SRPK2: variants seen among roughly 807,000 people sequenced by gnomAD.
SRPK2 encodes the protein SRSF protein kinase 2, also known as SFRS protein kinase 2.
Under a neutral mutation model 90.8 loss-of-function variants are expected in SRPK2, and 21 were observed. The observed-to-expected ratio is 0.23, with a 90% CI of 0.16 to 0.33. The LOEUF (loss-of-function observed/expected upper bound fraction) is 0.33, where lower values mean the gene tolerates loss of function less well. SRPK2 is among the 10% of genes least tolerant of loss of function. The pLI, the probability that SRPK2 is intolerant of heterozygous loss-of-function variation, is 1.00. For synonymous variants in SRPK2, 288 were observed against 311.1 expected (o/e 0.93, Z 0.78); for missense variants, 620 against 869.0 (o/e 0.71, Z 3.60).
At chr7:105,147,955 A>G (rs1804907093) in intron 7 of SRPK2, among the ~76,000 whole-genome samples, 1 of 152,198 alleles carries the variant, frequency 6.6e-6, no homozygotes, top group Non-Finnish European at 1.5e-5. Flanking sequence ...TAAAAATAAT[A>G]CTGCTATTCA....
intron 2 of SRPK2, among the ~76,000 whole-genome samples, chr7:105,231,638 G>A (rs1799435801): frequency 6.6e-6 from 1 of 152,048 alleles, no homozygotes; most frequent in Non-Finnish European, 1.5e-5. Context: ...CTTCACTGTG[G>A]TTTTGATTTA....
chr7:105,131,084 T>C (rs537109678), intron 13 of SRPK2, among the ~76,000 whole-genome samples: 77 of 152,356 alleles, frequency 5.1e-4, no homozygotes, highest in Middle Eastern at 6.8e-3. Flanking sequence ...GAAAGCTCCA[T>C]TAACCCACTA....
rs796799061 is a variant in SRPK2, at chr7:105,323,967, T to G, written c.71+64681A>C. Reference sequence around the variant, plus strand: ...AAAAAGACTTTGGTCAGACTATTCTTTGTGTGTGTGTGTGTGTGTGTGTGT... The same window carrying G: ...AAAAAGACTTTGGTCAGACTATTCTGTGTGTGTGTGTGTGTGTGTGTGTGT... On this transcript the variant is annotated intron_variant, in intron 2 of 15. Coordinates refer to ENST00000393651, the MANE Select transcript of SRPK2 (RefSeq NM_182692.3). 3.8e-3 allele frequency among the ~76,000 whole-genome samples: 510 copies of G among 133,906 alleles called. 2 individuals carry two copies. Among genetic ancestry groups the G allele is most frequent in the African/African-American group, 0.013 (488 of 36,674 alleles). The allele number at this position is 133,906 out of a possible 152,430, so 87.8% of individuals were successfully genotyped here. A position where few individuals can be genotyped will look rare whatever the true frequency, so the allele number is the denominator to read the frequency against.
In SRPK2 at chr7:105,226,352, C is replaced by A. The variant is rs560642441; in HGVS notation, c.72-22567G>T. ...TCACCTAGGTTGGAGTGCAGTGGCA[C>A]AAATTCAGCTCACCAAAACCTCCAC... On this transcript the variant is annotated intron_variant, in intron 2 of 15. Coordinates refer to ENST00000393651, the MANE Select transcript of SRPK2 (RefSeq NM_182692.3). Among the ~76,000 whole-genome samples the A allele has an allele frequency of 2.6e-5, 4 of 152,016 alleles. No individual in the cohort carries two copies. In the South Asian group the frequency reaches 8.3e-4, roughly 32 times the overall value.
chr7:105,306,669 C>T (rs551033689), intron 2 of SRPK2: 132 of 348,774 alleles, frequency 3.8e-4, no homozygotes, highest in Non-Finnish European at 6.5e-4. Context: ...AGCATTTAAC[C>T]GAAACACTCA....
chr7:105,322,301 T>C (rs1265008141), intron 2 of SRPK2, among the ~76,000 whole-genome samples: 1 of 152,042 alleles, frequency 6.6e-6, no homozygotes, highest in Non-Finnish European at 1.5e-5. Flanking sequence ...CCTGGGGTCC[T>C]AGTGACTCAG....
At chr7:105,301,200 T>G (rs1585614521) in intron 2 of SRPK2, among the ~76,000 whole-genome samples, 1 of 151,726 alleles carries the variant, frequency 6.6e-6, no homozygotes, top group African/African-American at 2.4e-5. Context: ...TCCCAGCACT[T>G]TGGGAGGCCG....
intron 11 of SRPK2, among the ~76,000 whole-genome samples, chr7:105,141,777 A>C (rs1803815115): frequency 6.6e-6 from 1 of 152,252 alleles, no homozygotes; most frequent in Non-Finnish European, 1.5e-5. Context: ...AATATATTAA[A>C]AATGAAAACT....
intron 2 of SRPK2, among the ~76,000 whole-genome samples, chr7:105,304,829 A>G (rs188351107): frequency 2.0e-3 from 303 of 152,292 alleles, no homozygotes; most frequent in Middle Eastern, 6.8e-3. Flanking sequence ...CCGGGCTACA[A>G]TCACTGATTG....
chr7:105,366,248 A>T (rs1025414229), intron 2 of SRPK2, among the ~76,000 whole-genome samples: 3 of 152,068 alleles, frequency 2.0e-5, no homozygotes, highest in Non-Finnish European at 4.4e-5. Flanking sequence ...CTCTAAAATT[A>T]TCAAACCATC....
intron 2 of SRPK2, among the ~76,000 whole-genome samples, chr7:105,337,246 C>G (rs1321461324): frequency 6.6e-6 from 1 of 151,952 alleles, no homozygotes; most frequent in African/African-American, 2.4e-5. Flanking sequence ...AGTGTGATAT[C>G]TGAAGGTGGG....
intron 2 of SRPK2, among the ~76,000 whole-genome samples, chr7:105,249,864 A>G (rs1802241414): frequency 6.6e-6 from 1 of 152,248 alleles, no homozygotes; most frequent in Non-Finnish European, 1.5e-5. Flanking sequence ...TAAAAAAAAT[A>G]GTAATTCTCA....
intron 11 of SRPK2, among the ~76,000 whole-genome samples, chr7:105,136,794 T>C (rs994792556): frequency 6.6e-6 from 1 of 152,106 alleles, no homozygotes; most frequent in Admixed American, 6.5e-5. Context: ...AAGGAAGTAG[T>C]GGAACTAAGA....
At chr7:105,156,644 G>A (rs1806536076) in intron 7 of SRPK2, among the ~76,000 whole-genome samples, 2 of 152,068 alleles carry the variant, frequency 1.3e-5, no homozygotes, top group South Asian at 4.1e-4. Context: ...GGGACCACAG[G>A]TGCATGCCAT....
intron 2 of SRPK2, among the ~76,000 whole-genome samples, chr7:105,299,347 A>G (rs1810245226): frequency 6.6e-6 from 1 of 152,220 alleles, no homozygotes; most frequent in African/African-American, 2.4e-5. Context: ...ACTTCCAAGT[A>G]AAGGATCTAC....
intron 3 of SRPK2, 108 bp downstream of exon 3, chr7:105,203,520 A>C (rs912527466): frequency 5.5e-6 from 7 of 1,265,554 alleles, no homozygotes; most frequent in Non-Finnish European, 6.3e-6. Context: ...TTTAATGAAG[A>C]CCAAGCAATT....
intron 2 of SRPK2, among the ~76,000 whole-genome samples, chr7:105,336,942 C>T (rs1370822405): frequency 6.6e-6 from 1 of 152,048 alleles, no homozygotes; most frequent in Non-Finnish European, 1.5e-5. Context: ...GCTGGGATTA[C>T]AGGCACCCGC....
intron 2 of SRPK2, among the ~76,000 whole-genome samples, chr7:105,291,612 C>T (rs895213014): frequency 1.3e-5 from 2 of 152,296 alleles, no homozygotes; most frequent in South Asian, 4.1e-4. Flanking sequence ...CGCCTATAGT[C>T]CCAGCTACTC....
chr7:105,237,219 C>T (rs2129621413), intron 2 of SRPK2, among the ~76,000 whole-genome samples: 1 of 152,292 alleles, frequency 6.6e-6, no homozygotes, highest in African/African-American at 2.4e-5. Context: ...TGTAGGCTGC[C>T]AGATGATTTT....
Sources: gnomAD v4.1 joint callset for allele counts (sites outside exome capture counted in the v4.1 genomes callset) on GRCh38, gnomAD v4.1.1 for gene constraint, MANE v1.5 for transcripts, NCBI Gene and HGNC (gene_info 2026-07-23, HGNC 2026-07-21) for gene names.